The following ABCC9 variants were observed in gnomAD, a reference collection of about 807,000 sequenced individuals.
The protein encoded by ABCC9 is ATP-binding cassette sub-family C member 9.
Under a neutral mutation model 188.3 loss-of-function variants are expected in ABCC9, and 95 were observed. The ratio of observed to expected loss-of-function variants is 0.50; its 90% CI spans 0.43 to 0.60. The LOEUF (loss-of-function observed/expected upper bound fraction) is 0.60. ABCC9 is among the 20% of genes least tolerant of loss of function. The pLI is 0.00. For missense variants in ABCC9, 1,102 were observed against 1,876.3 expected, an observed-to-expected ratio of 0.59 and a Z score of 7.62; for synonymous variants, 659 against 652.7, an observed-to-expected ratio of 1.01 and a Z score of -0.15.
At chr12:21,916,275 C>T (rs1412645943) in intron 6 of ABCC9, among the ~76,000 whole-genome samples, 1 of 152,148 alleles carries the variant, frequency 6.6e-6, no homozygotes, top group Non-Finnish European at 1.5e-5. Flanking sequence ...ATTATTGAGT[C>T]TCTTGATCTA....
intron 5 of ABCC9, among the ~76,000 whole-genome samples, chr12:21,925,729 G>A (rs1949019104): frequency 6.6e-6 from 1 of 151,768 alleles, no homozygotes; most frequent in Non-Finnish European, 1.5e-5. Flanking sequence ...AGATGACCTG[G>A]GGGTAAGGAA....
intron 2 of ABCC9, among the ~76,000 whole-genome samples, chr12:21,939,015 G>C (rs548239143): frequency 2.0e-5 from 3 of 152,184 alleles, no homozygotes; most frequent in African/African-American, 7.2e-5. Context: ...GTCAGAAACA[G>C]TTTCTGTGGT....
intron 14 of ABCC9, 49 bp from the exon 15 acceptor site, chr12:21,887,983 C>T: frequency 7.3e-7 from 1 of 1,361,662 alleles, no homozygotes; most frequent in Non-Finnish European, 1.1e-6. Flanking sequence ...AAAACCACCA[C>T]CAACAAAGTG....
At chr12:21,892,203 C>A (rs1947190778) in intron 14 of ABCC9, among the ~76,000 whole-genome samples, 1 of 152,082 alleles carries the variant, frequency 6.6e-6, no homozygotes, top group Non-Finnish European at 1.5e-5. Flanking sequence ...CTCCACTGTA[C>A]TAGGATTTAT....
chr12:21,906,967 CAT>C (rs1442700128), intron 11 of ABCC9, among the ~76,000 whole-genome samples: 1 of 152,080 alleles, frequency 6.6e-6, no homozygotes, highest in Non-Finnish European at 1.5e-5. Context: ...TTCATCACCA[CAT>C]GTCATACTAG....
At chr12:21,931,397 T>TAAAA (rs746472646) in intron 4 of ABCC9, among the ~76,000 whole-genome samples, 1 of 143,186 alleles carries the variant, frequency 7.0e-6, no homozygotes, top group Admixed American at 7.0e-5. Flanking sequence ...TTTACTTTAT[T>TAAAA]AAAAAAAAAA....
At chr12:21,840,713 T>C (rs1053290874) in intron 29 of ABCC9, among the ~76,000 whole-genome samples, 1 of 152,240 alleles carries the variant, frequency 6.6e-6, no homozygotes, top group Non-Finnish European at 1.5e-5. Context: ...AGTTGATTAC[T>C]AGCTTCTCCA....
At chr12:21,927,945 C>T (rs112888317) in intron 4 of ABCC9, among the ~76,000 whole-genome samples, 5 of 152,192 alleles carry the variant, frequency 3.3e-5, no homozygotes, top group African/African-American at 1.2e-4. Flanking sequence ...TCTGGCTGGA[C>T]GTGGTGGCTT....
intron 7 of ABCC9, among the ~76,000 whole-genome samples, chr12:21,915,312 A>ATATATAC (rs1299077910): frequency 1.1e-3 from 66 of 58,126 alleles, no homozygotes; most frequent in African/African-American, 3.4e-3. Flanking sequence ...ATATATATAT[A>ATATATAC]ATGTGTATAT....
intron 4 of ABCC9, among the ~76,000 whole-genome samples, chr12:21,928,132 A>G (rs1179988222): frequency 6.6e-6 from 1 of 151,636 alleles, no homozygotes; most frequent in Non-Finnish European, 1.5e-5. Context: ...AGGCAGGAGG[A>G]TCGCTTGGAC....
intron 7 of ABCC9, among the ~76,000 whole-genome samples, chr12:21,915,227 G>GTGTA (rs1948489376): frequency 1.2e-5 from 1 of 86,038 alleles, no homozygotes; most frequent in African/African-American, 4.6e-5. Context: ...ATATATATAT[G>GTGTA]TGTGTGTGTG....
rs1949656594 is a variant in ABCC9, at chr12:21,940,783, A to G, written c.-94T>C. 1 of 152,198 alleles carries G rather than the reference A, an allele frequency of 6.6e-6. No individual in the cohort carries two copies. The highest frequency in any genetic ancestry group is 6.5e-5 in the Admixed American group (1 of 15,282). The allele number at this position is 152,198 out of a possible 1,614,324, so 9.4% of individuals were successfully genotyped here. Reference sequence around the variant, plus strand: ...GCTACCTTCAAAACACCGACTTCCTACACTGTCTTAAGATGTAAATTTCAA... The same window carrying G: ...GCTACCTTCAAAACACCGACTTCCTGCACTGTCTTAAGATGTAAATTTCAA... On this transcript the variant is annotated 5_prime_UTR_variant, in exon 2 of 40. Transcript: ENST00000261200.
intron 9 of ABCC9, among the ~76,000 whole-genome samples, 183 bp downstream of exon 9, chr12:21,910,643 T>G (rs981328529): frequency 6.6e-6 from 1 of 151,982 alleles, no homozygotes; most frequent in Non-Finnish European, 1.5e-5. Context: ...GAAAGTTATT[T>G]TTAATTCAAT....
At chr12:21,856,190 A>G (rs1040847824) in intron 22 of ABCC9, among the ~76,000 whole-genome samples, 3 of 152,114 alleles carry the variant, frequency 2.0e-5, no homozygotes, top group African/African-American at 7.2e-5. Context: ...CTTTTCTACA[A>G]CTTACTAAAA....
intron 3 of ABCC9, among the ~76,000 whole-genome samples, chr12:21,934,344 A>G (rs182175725): frequency 1.1e-3 from 160 of 152,274 alleles, no homozygotes; most frequent in Admixed American, 2.5e-3. Flanking sequence ...TTTGGTTACA[A>G]AATACAGGAC....
chr12:21,828,318 C>G (rs1052978126), intron 31 of ABCC9: 2 of 155,646 alleles, frequency 1.3e-5, no homozygotes, highest in African/African-American at 4.8e-5. Context: ...TGCATGCATT[C>G]GAAAGACATT....
At chr12:21,916,886 A>G (rs1434980938) in intron 6 of ABCC9, 51 bp downstream of exon 6, 1 of 1,520,140 alleles carries the variant, frequency 6.6e-7, no homozygotes, top group Non-Finnish European at 8.9e-7. Context: ...GTAATCTTTC[A>G]TATTGGGGTC....
At chr12:21,923,601 G>A (rs1456567007) in intron 5 of ABCC9, 3 of 526,484 alleles carry the variant, frequency 5.7e-6, no homozygotes, top group East Asian at 6.0e-5. Flanking sequence ...ACACCCACTA[G>A]CATGACTAAA....
intron 28 of ABCC9, among the ~76,000 whole-genome samples, chr12:21,843,275 T>C (rs1367814594): frequency 6.6e-6 from 1 of 152,196 alleles, no homozygotes; most frequent in Admixed American, 6.5e-5. Context: ...ATATCCTTTA[T>C]TGAAAAATTA....
Sources: gnomAD v4.1 joint callset for allele counts (sites outside exome capture counted in the v4.1 genomes callset) on GRCh38, gnomAD v4.1.1 for gene constraint, MANE v1.5 for transcripts, NCBI Gene and HGNC (gene_info 2026-07-23, HGNC 2026-07-21) for gene names.